CAMK2D: variants seen among roughly 807,000 people sequenced by gnomAD.
CAMK2D encodes calcium/calmodulin dependent protein kinase II delta, also known as calcium/calmodulin-dependent protein kinase type II subunit delta.
A neutral mutation model predicts 84.0 loss-of-function variants in CAMK2D; 37 were observed. That is an observed-to-expected ratio of 0.44 (90% CI 0.34 to 0.58). The LOEUF is 0.58. CAMK2D is among the 20% of genes least tolerant of loss of function. The pLI, the probability that CAMK2D is intolerant of heterozygous loss-of-function variation, is 0.02. For missense variants in CAMK2D, 448 were observed against 652.5 expected (o/e 0.69, Z 3.41); for synonymous variants, 202 against 212.5 (o/e 0.95, Z 0.43).
chr4:113,662,451 T>C (rs931043902), intron 2 of CAMK2D, among the ~76,000 whole-genome samples: 3 of 152,132 alleles, frequency 2.0e-5, no homozygotes, highest in Non-Finnish European at 2.9e-5. Flanking sequence ...TAAACATAAA[T>C]ATAACCAAAA....
intron 8 of CAMK2D, among the ~76,000 whole-genome samples, chr4:113,527,593 G>A (rs74584318): frequency 6.6e-6 from 1 of 152,046 alleles, no homozygotes; most frequent in Non-Finnish European, 1.5e-5. Context: ...TCTGAGGTTT[G>A]CCTGTATATG....
intron 3 of CAMK2D, among the ~76,000 whole-genome samples, chr4:113,617,431 C>T (rs1319898078): frequency 2.0e-5 from 3 of 151,134 alleles, no homozygotes; most frequent in Admixed American, 6.6e-5. Context: ...CCACTGTACT[C>T]CAGACTGAGC....
At chr4:113,560,467 T>A (rs2098693045) in intron 4 of CAMK2D, among the ~76,000 whole-genome samples, 1 of 152,222 alleles carries the variant, frequency 6.6e-6, no homozygotes, top group Non-Finnish European at 1.5e-5. Flanking sequence ...CTGTGGAACA[T>A]GCTTTAAAGC....
At chr4:113,531,132 G>T in intron 8 of CAMK2D, 84 bp downstream of exon 8, 3 of 732,476 alleles carry the variant, frequency 4.1e-6, no homozygotes, top group Non-Finnish European at 7.5e-6. Flanking sequence ...TAACCCACTT[G>T]GTCTATGACA....
intron 3 of CAMK2D, among the ~76,000 whole-genome samples, chr4:113,620,574 C>T (rs2099041492): frequency 6.7e-6 from 1 of 150,220 alleles, no homozygotes; most frequent in African/African-American, 2.5e-5. Context: ...CTGGCATGAT[C>T]TTGACTCACT....
chr4:113,507,393 G>C (rs1184350832), intron 13 of CAMK2D, among the ~76,000 whole-genome samples: 1 of 151,668 alleles, frequency 6.6e-6, no homozygotes, highest in Non-Finnish European at 1.5e-5. Context: ...TGGGATTACA[G>C]GTACGGCCAC....
At chr4:113,688,910 CAAAAAAAAAA>C (rs34196728) in intron 2 of CAMK2D, among the ~76,000 whole-genome samples, 3 of 49,716 alleles carry the variant, frequency 6.0e-5, no homozygotes, top group East Asian at 6.4e-4. Context: ...AAAGAAGATG[CAAAAAAAAAA>C]AAAAAAAAAA....
intron 2 of CAMK2D, among the ~76,000 whole-genome samples, chr4:113,702,914 T>C (rs745873119): frequency 1.1e-4 from 17 of 151,578 alleles, no homozygotes; most frequent in South Asian, 4.2e-4. Context: ...TATATATATA[T>C]ACATAAGTGA....
chr4:113,749,427 C>A (rs1351363296), intron 2 of CAMK2D, among the ~76,000 whole-genome samples: 1 of 152,100 alleles, frequency 6.6e-6, no homozygotes, highest in Non-Finnish European at 1.5e-5. Context: ...GCAGTTGAAA[C>A]AGCTGGCCTC....
intron 2 of CAMK2D, among the ~76,000 whole-genome samples, chr4:113,683,495 C>T (rs1426763310): frequency 1.3e-5 from 2 of 152,096 alleles, no homozygotes; most frequent in Non-Finnish European, 2.9e-5. Flanking sequence ...AAAGAAGCAC[C>T]AAAACCGGAG....
chr4:113,640,052 G>GGA (rs2099126134), intron 3 of CAMK2D, among the ~76,000 whole-genome samples: 1 of 151,856 alleles, frequency 6.6e-6, no homozygotes, highest in Admixed American at 6.6e-5. Context: ...GGCAAGGGAA[G>GGA]GAGAGGTAGA....
chr4:113,616,384 TCA>T (rs771019221), intron 3 of CAMK2D, among the ~76,000 whole-genome samples: 62 of 152,244 alleles, frequency 4.1e-4, no homozygotes, highest in South Asian at 8.3e-4. Context: ...CACTCCTGAT[TCA>T]AGATTAAAAG....
intron 1 of CAMK2D, among the ~76,000 whole-genome samples, chr4:113,760,039 T>C (rs1416343452): frequency 6.6e-6 from 1 of 152,212 alleles, no homozygotes; most frequent in African/African-American, 2.4e-5. Flanking sequence ...TTACCTTTCC[T>C]TTAATTACAG....
chr4:113,697,751 T>C (rs2099407090), intron 2 of CAMK2D, among the ~76,000 whole-genome samples: 1 of 141,460 alleles, frequency 7.1e-6, no homozygotes, highest in African/African-American at 2.7e-5. Context: ...ATTTTTTTCC[T>C]CTGAAAATGA....
intron 5 of CAMK2D, chr4:113,548,799 T>A (rs1474979574): frequency 2.7e-6 from 2 of 729,652 alleles, no homozygotes; most frequent in African/African-American, 3.7e-5. Flanking sequence ...GAATATGAAA[T>A]AAAATGAAAG....
At chr4:113,673,974 T>C (rs1022957563) in intron 2 of CAMK2D, among the ~76,000 whole-genome samples, 3 of 124,244 alleles carry the variant, frequency 2.4e-5, no homozygotes, top group Admixed American at 8.2e-5. Context: ...TGAAGCTAGA[T>C]GGTTAGAATT....
In CAMK2D at chr4:113,547,714, T is replaced by C. The variant is rs1378638227; in HGVS notation, c.344A>G (p.His115Arg). The change falls in exon 6 of 21, where the codon CAT (histidine) becomes CGT (arginine). Residue 115 changes from histidine to arginine, a missense_variant and splice_region_variant. His to Arg is a conservative substitution (Grantham distance 29). Coordinates refer to ENST00000511664, the MANE Select transcript of CAMK2D (RefSeq NM_001321571.2). ...AGCCTCCAGGATCTGCTGAATGCAATGACTGCATGCAAACACCAGGGGGCG... is the reference window on the plus strand; with the variant it reads ...AGCCTCCAGGATCTGCTGAATGCAACGACTGCATGCAAACACCAGGGGGCG... ...REYYSEADAS[H>R]CIQQILEAVL... is the part of the protein sequence containing the mutation. 1 of 1,550,880 alleles carries C rather than the reference T, an allele frequency of 6.4e-7. No homozygotes were observed. The highest frequency in any genetic ancestry group is 1.2e-5 in the South Asian group (1 of 84,670).
chr4:113,540,968 A>AT (rs1406911392), intron 6 of CAMK2D, among the ~76,000 whole-genome samples: 9 of 152,130 alleles, frequency 5.9e-5, no homozygotes, highest in Admixed American at 3.9e-4. Flanking sequence ...ATGATGCAGG[A>AT]TTTTCCATGA....
intron 4 of CAMK2D, among the ~76,000 whole-genome samples, chr4:113,559,526 C>A (rs1365817754): frequency 1.3e-5 from 2 of 152,218 alleles, no homozygotes; most frequent in African/African-American, 4.8e-5. Context: ...AACTGAGCAT[C>A]ATTACCTGAT....
Sources: allele counts gnomAD v4.1 joint callset (sites outside exome capture counted in the v4.1 genomes callset), GRCh38; gene constraint gnomAD v4.1.1; transcripts MANE v1.5; gene names NCBI Gene and HGNC (gene_info 2026-07-23, HGNC 2026-07-21).